Variants in TOM1L2 observed in about 807,000 individuals in gnomAD.
TOM1L2 encodes the protein target of myb1 like 2 membrane trafficking protein.
A neutral mutation model predicts 67.9 loss-of-function variants in TOM1L2; 31 were observed. The ratio of observed to expected loss-of-function variants is 0.46; its 90% CI spans 0.34 to 0.62. TOM1L2 has a LOEUF of 0.62. TOM1L2 is among the 20% of genes least tolerant of loss of function. The probability of loss-of-function intolerance (pLI) is 0.01; values close to 1 mark genes in which losing one functional copy is unlikely to be tolerated. For missense variants in TOM1L2, 606 were observed against 663.5 expected (o/e 0.91, Z 0.95); for synonymous variants, 256 against 254.0 (o/e 1.01, Z -0.07).
chr17:17,879,864 CCTTT>C, intron 6 of TOM1L2, 121 bp from the exon 7 acceptor site: 2 of 889,228 alleles, frequency 2.2e-6, no homozygotes, highest in Non-Finnish European at 1.9e-6. Flanking sequence ...ATCTGGGTTG[CCTTT>C]CTGAGTGCAC....
chr17:17,849,064 AC>A, intron 13 of TOM1L2: 2 of 561,308 alleles, frequency 3.6e-6, no homozygotes, highest in Non-Finnish European at 3.1e-6. Context: ...TTTTTAAAAA[AC>A]AAAAGCAAAA....
intron 1 of TOM1L2, among the ~76,000 whole-genome samples, chr17:17,919,718 C>CCA (rs1487949465): frequency 1.3e-5 from 2 of 152,172 alleles, no homozygotes; most frequent in Non-Finnish European, 2.9e-5. Flanking sequence ...TACCATTGAA[C>CCA]CACTGGTCTC....
At chr17:17,902,010 C>T (rs1376172884) in intron 2 of TOM1L2, among the ~76,000 whole-genome samples, 1 of 152,150 alleles carries the variant, frequency 6.6e-6, no homozygotes, top group African/African-American at 2.4e-5. Context: ...AACCCTGTCT[C>T]TACTAAAAAT....
intron 1 of TOM1L2, among the ~76,000 whole-genome samples, chr17:17,944,415 T>C (rs1177183501): frequency 6.6e-6 from 1 of 152,200 alleles, no homozygotes; most frequent in Admixed American, 6.5e-5. Context: ...CTTTGAAAGG[T>C]TCCAGACAAA....
At chr17:17,850,698 C>T (rs545378915) in intron 13 of TOM1L2, among the ~76,000 whole-genome samples, 195 bp downstream of exon 13, 14 of 152,260 alleles carry the variant, frequency 9.2e-5, no homozygotes, top group Non-Finnish European at 1.5e-4. Flanking sequence ...CTCCGCAGGC[C>T]GGGAGGCCAC....
chr17:17,915,893 G>T (rs2039609914), intron 1 of TOM1L2, among the ~76,000 whole-genome samples: 1 of 139,650 alleles, frequency 7.2e-6, no homozygotes, highest in African/African-American at 2.7e-5. Flanking sequence ...TATATATTCT[G>T]AATATTAATC....
At chr17:17,969,671 C>T (rs2041995826) in intron 1 of TOM1L2, among the ~76,000 whole-genome samples, 1 of 152,122 alleles carries the variant, frequency 6.6e-6, no homozygotes, top group African/African-American at 2.4e-5. Flanking sequence ...TATTTTCCTT[C>T]ACAGGTCACA....
intron 1 of TOM1L2, among the ~76,000 whole-genome samples, chr17:17,963,222 G>A (rs943500826): frequency 6.6e-6 from 1 of 152,186 alleles, no homozygotes; most frequent in African/African-American, 2.4e-5. Flanking sequence ...CAGTCGCATC[G>A]AGAAGCAAAG....
chr17:17,903,600 G>A (rs8066145), intron 2 of TOM1L2, among the ~76,000 whole-genome samples: 71,027 of 146,582 alleles, frequency 0.48, 18,188 homozygotes, highest in East Asian at 0.86. Context: ...GCGACAGAGC[G>A]AGACTCCATC....
At chr17:17,966,122 AAAACAAAG>A (rs2145066796) in intron 1 of TOM1L2, among the ~76,000 whole-genome samples, 1 of 152,274 alleles carries the variant, frequency 6.6e-6, no homozygotes, top group African/African-American at 2.4e-5. Context: ...CTCCATCTGG[AAAACAAAG>A]AAACAAAAAA....
chr17:17,844,760 G>A lies in TOM1L2; in HGVS notation c.*2875C>T, dbSNP rs1333129469. 1 of 152,242 alleles carries A rather than the reference G, an allele frequency of 6.6e-6. No homozygotes were observed. Among genetic ancestry groups the A allele is most frequent in the African/African-American group, 2.4e-5 (1 of 41,454 alleles). The allele number at this position is 152,242 out of a possible 1,614,324, so 9.4% of individuals were successfully genotyped here. On this transcript the variant is annotated 3_prime_UTR_variant, in exon 15 of 15. Coordinates refer to ENST00000379504, the MANE Select transcript of TOM1L2 (RefSeq NM_001082968.2). ...CCAGTGGCCAAAAAGGTAGGCAGGA[G>A]GGAATGGTTAGTTTTCACATCTCAG...
At chr17:17,854,473 G>C (rs1252186883) in intron 12 of TOM1L2, among the ~76,000 whole-genome samples, 2 of 151,988 alleles carry the variant, frequency 1.3e-5, no homozygotes, top group African/African-American at 4.8e-5. Context: ...TGTTGGCTCT[G>C]ATGTGTCATA....
chr17:17,968,261 G>C (rs1486369462), intron 1 of TOM1L2, among the ~76,000 whole-genome samples: 1 of 152,208 alleles, frequency 6.6e-6, no homozygotes, highest in Non-Finnish European at 1.5e-5. Flanking sequence ...GCCTACTGAA[G>C]TGAACAGACA....
intron 8 of TOM1L2, among the ~76,000 whole-genome samples, chr17:17,867,417 C>T (rs2036914678): frequency 6.6e-6 from 1 of 152,040 alleles, no homozygotes; most frequent in Admixed American, 6.5e-5. Context: ...GGGAAATGCT[C>T]GCCAGTAGCT....
Position 17,850,933 on chromosome 17 carries a change from G to C in TOM1L2, c.1298C>G (p.Ser433Cys). 6.2e-7 allele frequency: 1 copy of C among 1,614,038 alleles called. No homozygotes were observed. Among genetic ancestry groups the C allele is most frequent in the South Asian group, 1.1e-5 (1 of 91,088 alleles). Reference sequence around the variant, plus strand: ...CCACACCTCAATGTCGTCCATGACAGATGGCTGCGCAACGGGGATCTATGG... The same window carrying C: ...CCACACCTCAATGTCGTCCATGACACATGGCTGCGCAACGGGGATCTATGG... ...SSEGIPVAQP[S>C]VMDDIEVWLR... The change falls in exon 13 of 15, where the codon TCT becomes TGT. Residue 433 changes from serine to cysteine, a missense_variant. Physicochemically the swap from Ser to Cys is moderately radical, Grantham distance 112. Transcript: ENST00000379504.
chr17:17,947,393 C>G (rs1198176414), intron 1 of TOM1L2, among the ~76,000 whole-genome samples: 1 of 152,180 alleles, frequency 6.6e-6, no homozygotes, highest in Non-Finnish European at 1.5e-5. Context: ...TGTTGAAGCC[C>G]TAAGCACCAG....
At chr17:17,953,443 G>A (rs749089338) in intron 1 of TOM1L2, among the ~76,000 whole-genome samples, 2 of 152,186 alleles carry the variant, frequency 1.3e-5, no homozygotes, top group Non-Finnish European at 2.9e-5. Context: ...ACAAGCAGGA[G>A]TGCCCCGGAT....
intron 12 of TOM1L2, 130 bp downstream of exon 12, chr17:17,861,346 G>A (rs1003424230): frequency 3.9e-6 from 3 of 776,264 alleles, no homozygotes; most frequent in Non-Finnish European, 6.3e-6. Flanking sequence ...GTCCCCCGTG[G>A]GTCTCTCCCC....
chr17:17,925,886 A>G (rs2040063354), intron 1 of TOM1L2, among the ~76,000 whole-genome samples: 1 of 150,596 alleles, frequency 6.6e-6, no homozygotes, highest in Non-Finnish European at 1.5e-5. Context: ...GGTATAGGCT[A>G]TAGGTTAGTC....
Sources: allele counts gnomAD v4.1 joint callset (sites outside exome capture counted in the v4.1 genomes callset), GRCh38; gene constraint gnomAD v4.1.1; transcripts MANE v1.5; gene names NCBI Gene and HGNC (gene_info 2026-07-23, HGNC 2026-07-21).